Variants in ME1 observed in about 807,000 individuals in gnomAD.
The protein encoded by ME1 is NADP-dependent malic enzyme.
In ME1, 74 loss-of-function variants were observed where a neutral mutation model predicts 66.4. The ratio of observed to expected loss-of-function variants is 1.11; its 90% CI spans 0.92 to 1.35. ME1 has a LOEUF of 1.35. ME1 is among the 40% of genes most tolerant of loss of function. ME1 has a pLI of 0.00. For synonymous variants in ME1, 251 were observed against 235.6 expected, an observed-to-expected ratio of 1.07 and a Z score of -0.60; for missense variants, 750 against 694.1, an observed-to-expected ratio of 1.08 and a Z score of -0.90.
At chr6:83,260,270 C>A (rs1004692093) in intron 6 of ME1, among the ~76,000 whole-genome samples, 1 of 151,314 alleles carries the variant, frequency 6.6e-6, no homozygotes, top group African/African-American at 2.4e-5. Flanking sequence ...ATTCTGAGTT[C>A]CTTAAAATTC....
chr6:83,377,961 T>G (rs1769324375), intron 3 of ME1, among the ~76,000 whole-genome samples: 1 of 151,782 alleles, frequency 6.6e-6, no homozygotes, highest in African/African-American at 2.4e-5. Context: ...CATAGAAAAA[T>G]GAGAGGAACC....
At chr6:83,259,623 C>T (rs778810147) in intron 6 of ME1, among the ~76,000 whole-genome samples, 3 of 152,050 alleles carry the variant, frequency 2.0e-5, no homozygotes, top group Non-Finnish European at 2.9e-5. Flanking sequence ...ATAAGTAATC[C>T]GAAGTTGACA....
At chr6:83,386,747 A>G (rs753509900) in intron 3 of ME1, among the ~76,000 whole-genome samples, 5 of 151,058 alleles carry the variant, frequency 3.3e-5, no homozygotes, top group Non-Finnish European at 7.4e-5. Context: ...ATATGATGGT[A>G]TTAGGAGATG....
At chr6:83,220,332 G>A (rs892895794) in intron 12 of ME1, among the ~76,000 whole-genome samples, 7 of 152,168 alleles carry the variant, frequency 4.6e-5, no homozygotes, top group Admixed American at 4.6e-4. Context: ...GTGAAGATAG[G>A]AGGCTGAGAT....
intron 6 of ME1, among the ~76,000 whole-genome samples, chr6:83,309,520 G>A (rs1767891426): frequency 6.6e-6 from 1 of 152,114 alleles, no homozygotes; most frequent in East Asian, 1.9e-4. Context: ...GCTGCAACAG[G>A]AGCAGGGCTG....
At chr6:83,227,869 GAC>G (rs1790227898) in intron 10 of ME1, among the ~76,000 whole-genome samples, 1 of 152,140 alleles carries the variant, frequency 6.6e-6, no homozygotes, top group East Asian at 1.9e-4. Flanking sequence ...TATCACTTAA[GAC>G]AACCATCTGA....
intron 5 of ME1, among the ~76,000 whole-genome samples, chr6:83,344,646 G>A (rs1768653148): frequency 6.6e-6 from 1 of 152,094 alleles, no homozygotes; most frequent in Non-Finnish European, 1.5e-5. Flanking sequence ...CACTTTGGGA[G>A]GGCGAGGTGG....
chr6:83,385,972 A>G (rs1769496481), intron 3 of ME1, among the ~76,000 whole-genome samples: 1 of 151,904 alleles, frequency 6.6e-6, no homozygotes, highest in African/African-American at 2.4e-5. Flanking sequence ...TACAAAATCA[A>G]CTGAGGTAAC....
At chr6:83,389,936 A>G (rs978981312) in intron 3 of ME1, among the ~76,000 whole-genome samples, 1 of 152,144 alleles carries the variant, frequency 6.6e-6, no homozygotes, top group African/African-American at 2.4e-5. Context: ...AGACAATCCA[A>G]GCGAGCCCAA....
intron 4 of ME1, among the ~76,000 whole-genome samples, chr6:83,346,946 A>C (rs563425284): frequency 6.7e-6 from 1 of 150,188 alleles, no homozygotes; most frequent in South Asian, 2.1e-4. Context: ...TCCTTCTTTT[A>C]TCTTTCTTTT....
At chr6:83,293,785 C>T (rs1259247706) in intron 6 of ME1, among the ~76,000 whole-genome samples, 1 of 152,122 alleles carries the variant, frequency 6.6e-6, no homozygotes, top group African/African-American at 2.4e-5. Flanking sequence ...TCTCTTTTGC[C>T]CAATTCCTAT....
intron 1 of ME1, among the ~76,000 whole-genome samples, chr6:83,419,481 T>C (rs1162006875): frequency 1.3e-5 from 2 of 152,238 alleles, no homozygotes; most frequent in Non-Finnish European, 2.9e-5. Context: ...CCTGTATCAA[T>C]AACATTTTAA....
chr6:83,362,998 G>A (rs1769032208), intron 3 of ME1, among the ~76,000 whole-genome samples: 1 of 152,134 alleles, frequency 6.6e-6, no homozygotes, highest in Admixed American at 6.5e-5. Flanking sequence ...ATGCCAACTA[G>A]GTGACAATAC....
intron 1 of ME1, among the ~76,000 whole-genome samples, chr6:83,424,016 G>A (rs1770321254): frequency 6.7e-6 from 1 of 149,456 alleles, no homozygotes; most frequent in African/African-American, 2.5e-5. Context: ...AGGACGGACT[G>A]AGTCTGGGAG....
chr6:83,330,555 GTA>G (rs1768384894), intron 5 of ME1, among the ~76,000 whole-genome samples: 1 of 152,108 alleles, frequency 6.6e-6, no homozygotes, highest in Non-Finnish European at 1.5e-5. Context: ...GTGAGAACTT[GTA>G]TTATTAAGTT....
At chr6:83,370,862 T>C (rs116774787) in intron 3 of ME1, among the ~76,000 whole-genome samples, 133 of 152,168 alleles carry the variant, frequency 8.7e-4, no homozygotes, top group African/African-American at 3.1e-3. Context: ...AGGAGAGACA[T>C]TCTATGATGG....
Position 83,353,984 on chromosome 6 carries a change from G to A in ME1, c.363-1845C>T, listed in dbSNP as rs556643805. Reference sequence around the variant, plus strand: ...CTGCTGAGATACCACATTTGCCTACGTTTCCTCCTAATCACTACCTGCTTC... The same window carrying A: ...CTGCTGAGATACCACATTTGCCTACATTTCCTCCTAATCACTACCTGCTTC... On this transcript the variant is annotated intron_variant, in intron 3 of 13. Coordinates refer to ENST00000369705, the MANE Select transcript of ME1 (RefSeq NM_002395.6). 9.2e-5 allele frequency among the ~76,000 whole-genome samples: 14 copies of A among 152,142 alleles called. 1 individual carries two copies. In the South Asian group the frequency reaches 2.1e-3, roughly 23 times the overall value.
chr6:83,346,347 G>T lies in ME1; in HGVS notation c.439-13C>A. ...TCACCACAATGGCCTGGAAGAAAAA[G>T]AAAAATTACCTATTAACAAGTTTTC... is the stretch of plus-strand genomic sequence containing the variant. On this transcript the variant is annotated splice_polypyrimidine_tract_variant and intron_variant, in intron 4 of 13. Transcript: ENST00000369705. The T allele has an allele frequency of 6.4e-7, 1 of 1,557,252 alleles. No homozygotes were observed. Among genetic ancestry groups the T allele is most frequent in the African/African-American group, 1.4e-5 (1 of 72,790 alleles).
intron 3 of ME1, among the ~76,000 whole-genome samples, chr6:83,396,833 A>T (rs1267239459): frequency 6.6e-6 from 1 of 152,180 alleles, no homozygotes; most frequent in Non-Finnish European, 1.5e-5. Flanking sequence ...GACAGCCCAG[A>T]AATAAATCCA....
Sources: gnomAD v4.1 joint callset for allele counts (sites outside exome capture counted in the v4.1 genomes callset) on GRCh38, gnomAD v4.1.1 for gene constraint, MANE v1.5 for transcripts, NCBI Gene and HGNC (gene_info 2026-07-23, HGNC 2026-07-21) for gene names.